Variants in RUNX1 observed in about 807,000 individuals in gnomAD.
RUNX1 encodes the protein runt-related transcription factor 1.
Under a neutral mutation model 42.8 loss-of-function variants are expected in RUNX1, and 19 were observed. The ratio of observed to expected loss-of-function variants is 0.44; its 90% CI spans 0.31 to 0.65. The LOEUF (loss-of-function observed/expected upper bound fraction) is 0.65. Among genes scored for constraint, RUNX1 ranks in the 30% least tolerant of loss-of-function variants. The probability of loss-of-function intolerance (pLI) is 0.07; values close to 1 mark genes in which losing one functional copy is unlikely to be tolerated. For synonymous variants in RUNX1, 271 were observed against 289.4 expected (o/e 0.94, Z 0.64); for missense variants, 528 against 672.0 (o/e 0.79, Z 2.37).
In RUNX1 at chr21:34,901,604, C is replaced by T. The variant is rs996065103; in HGVS notation, c.59-8641G>A. ...AGAGGTTAAGGGGCCAACGTGTGGA[C>T]CCTGGAAAGGGTGTGAGCCCTTCTC... On this transcript the variant is annotated intron_variant, in intron 2 of 8. Transcript: ENST00000675419. The surrounding 1 kb of genome is among the most constrained non-coding windows in gnomAD (Gnocchi z 4.3). Among the ~76,000 whole-genome samples the T allele has an allele frequency of 6.6e-6, 1 of 152,160 alleles. No individual in the cohort carries two copies. The highest frequency in any genetic ancestry group is 2.4e-5 in the African/African-American group (1 of 41,408).
intron 2 of RUNX1, among the ~76,000 whole-genome samples, chr21:34,924,528 A>C (rs1287444583): frequency 6.6e-6 from 1 of 152,184 alleles, no homozygotes; most frequent in Non-Finnish European, 1.5e-5. Flanking sequence ...GAGTTGGAAT[A>C]AGCAACATGT....
At chr21:34,977,620 T>C (rs1226207259) in intron 2 of RUNX1, among the ~76,000 whole-genome samples, 1 of 152,206 alleles carries the variant, frequency 6.6e-6, no homozygotes, top group East Asian at 1.9e-4. Flanking sequence ...CATATACACA[T>C]GGAAGTGGGG....
chr21:34,855,710 AAAACAAAC>A (rs1275302847), intron 6 of RUNX1, among the ~76,000 whole-genome samples: 6 of 152,184 alleles, frequency 3.9e-5, no homozygotes, highest in Non-Finnish European at 7.3e-5. Context: ...CTCTGTCTCA[AAAACAAAC>A]AAACAAACAA....
At chr21:34,969,273 A>G (rs1027484342) in intron 2 of RUNX1, among the ~76,000 whole-genome samples, 1 of 152,164 alleles carries the variant, frequency 6.6e-6, no homozygotes, top group African/African-American at 2.4e-5. Context: ...TGGAGCAAAA[A>G]TGCGCATAGA....
chr21:34,950,559 C>A (rs554389729), intron 2 of RUNX1, among the ~76,000 whole-genome samples: 1 of 152,230 alleles, frequency 6.6e-6, no homozygotes, highest in Admixed American at 6.5e-5. Flanking sequence ...GCCAACACGG[C>A]AAAACCCCAT....
rs76179357 is a variant in RUNX1, at chr21:34,982,263, C to A, written c.58+66579G>T. Among the ~76,000 whole-genome samples the A allele has an allele frequency of 8.1e-3, 1,229 of 152,230 alleles. 19 individuals are homozygous for A. The highest frequency in any genetic ancestry group is 0.028 in the African/African-American group (1,169 of 41,540). On this transcript the variant is annotated intron_variant, in intron 2 of 8. Transcript: ENST00000675419. Reference sequence around the variant, plus strand: ...TGTAGAGAATTCTTCTAGGGATAGACTTCTAAGTCCAAGCTACCCAGGGAA... The same window carrying A: ...TGTAGAGAATTCTTCTAGGGATAGAATTCTAAGTCCAAGCTACCCAGGGAA...
intron 7 of RUNX1, among the ~76,000 whole-genome samples, chr21:34,810,719 C>T (rs2056747100): frequency 6.6e-6 from 1 of 152,138 alleles, no homozygotes; most frequent in Non-Finnish European, 1.5e-5. Context: ...GAAATGTGCC[C>T]CTCTGCCCGA....
At chr21:34,937,526 T>C (rs1412782969) in intron 2 of RUNX1, among the ~76,000 whole-genome samples, 1 of 152,044 alleles carries the variant, frequency 6.6e-6, no homozygotes, top group Non-Finnish European at 1.5e-5. Context: ...TATTGCAAGA[T>C]TACCTTATTA....
At chr21:35,012,529 A>G (rs1335181950) in intron 2 of RUNX1, among the ~76,000 whole-genome samples, 1 of 152,212 alleles carries the variant, frequency 6.6e-6, no homozygotes. Flanking sequence ...ATCGACTTGA[A>G]TGGTATCCAC....
intron 2 of RUNX1, among the ~76,000 whole-genome samples, chr21:34,918,041 T>C (rs1030705341): frequency 8.0e-5 from 12 of 150,762 alleles, no homozygotes; most frequent in African/African-American, 2.7e-4. Flanking sequence ...AGGCAGATAA[T>C]TGATTGAATC....
chr21:34,829,866 A>G (rs1386851033), intron 7 of RUNX1: 1 of 152,244 alleles, frequency 6.6e-6, no homozygotes, highest in Non-Finnish European at 1.5e-5. Context: ...AAGGCTGGAA[A>G]GAGGATTTAT....
At chr21:34,989,944 T>C (rs1302241798) in intron 2 of RUNX1, among the ~76,000 whole-genome samples, 1 of 152,138 alleles carries the variant, frequency 6.6e-6, no homozygotes, top group Non-Finnish European at 1.5e-5. Context: ...TCACTCCTCA[T>C]GGGTTGGGGA....
chr21:35,016,003 T>C (rs571255669), intron 2 of RUNX1, among the ~76,000 whole-genome samples: 32 of 152,330 alleles, frequency 2.1e-4, no homozygotes, highest in African/African-American at 7.7e-4. Context: ...TTCATTATGA[T>C]AGTATACTTG....
chr21:35,013,281 G>A (rs764975321), intron 2 of RUNX1, among the ~76,000 whole-genome samples: 1 of 152,158 alleles, frequency 6.6e-6, no homozygotes, highest in Non-Finnish European at 1.5e-5. Flanking sequence ...AAAGTCTGAG[G>A]CAACACATTT....
At chr21:34,989,487 T>C (rs1320703760) in intron 2 of RUNX1, among the ~76,000 whole-genome samples, 1 of 152,032 alleles carries the variant, frequency 6.6e-6, no homozygotes, top group Non-Finnish European at 1.5e-5. Context: ...GGGAGGAAGT[T>C]ACTTTTGGAA....
intron 2 of RUNX1, among the ~76,000 whole-genome samples, chr21:34,990,460 G>A (rs1292732492): frequency 6.6e-6 from 1 of 152,048 alleles, no homozygotes; most frequent in Non-Finnish European, 1.5e-5. Flanking sequence ...TTGCCATAGT[G>A]GGGAAAAATG....
intron 2 of RUNX1, among the ~76,000 whole-genome samples, chr21:34,961,935 G>A (rs1252395487): frequency 2.6e-5 from 4 of 151,734 alleles, no homozygotes; most frequent in Admixed American, 1.3e-4. Context: ...CTCTGTCACC[G>A]AGGCTGGAGT....
intron 3 of RUNX1, among the ~76,000 whole-genome samples, chr21:34,891,966 A>ATAACTAAATCTTT (rs2058085120): frequency 6.6e-6 from 1 of 152,226 alleles, no homozygotes; most frequent in South Asian, 2.1e-4. Context: ...GTCTCAGAAG[A>ATAACTAAATCTTT]TAACTAAATC....
chr21:34,955,305 G>A (rs1049840404), intron 2 of RUNX1, among the ~76,000 whole-genome samples: 1 of 151,978 alleles, frequency 6.6e-6, no homozygotes, highest in Admixed American at 6.6e-5. Flanking sequence ...CTAAGCAGTT[G>A]TGAGGATTGC....
Sources: allele counts gnomAD v4.1 joint callset (sites outside exome capture counted in the v4.1 genomes callset), GRCh38; gene constraint gnomAD v4.1.1; non-coding constraint Gnocchi (gnomAD v3.1); transcripts MANE v1.5; gene names NCBI Gene and HGNC (gene_info 2026-07-23, HGNC 2026-07-21).